Variants in STT3A observed in about 807,000 individuals in gnomAD.
The protein encoded by STT3A is dolichyl-diphosphooligosaccharide--protein glycosyltransferase subunit STT3A.
In STT3A, 34 loss-of-function variants were observed where a neutral mutation model predicts 89.2. The observed-to-expected ratio is 0.38, with a 90% confidence interval of 0.29 to 0.51. The LOEUF (loss-of-function observed/expected upper bound fraction) is 0.51. STT3A is among the 20% of genes least tolerant of loss of function. The pLI is 0.89. For synonymous variants in STT3A, 282 were observed against 310.3 expected, an observed-to-expected ratio of 0.91 and a Z score of 0.96; for missense variants, 555 against 889.5, an observed-to-expected ratio of 0.62 and a Z score of 4.78.
At chr11:125,605,826 G>A (rs189869378) in intron 7 of STT3A, 91 bp downstream of exon 7, 1 of 1,121,298 alleles carries the variant, frequency 8.9e-7, no homozygotes, top group East Asian at 2.4e-5. Flanking sequence ...TTCTTTTCTG[G>A]TAGGTTCCCC....
rs1272214332 is a variant in STT3A at position 125,622,350 on chromosome 11, C to G, written c.*1540C>G. On this transcript the variant is annotated 3_prime_UTR_variant, in exon 18 of 18. Coordinates refer to ENST00000392708, the MANE Select transcript of STT3A (RefSeq NM_152713.5). ...TGATTTACTATATGTAAGTACATTA[C>G]TTGATTTCTATAAAGAATCTTTAGT... The G allele has an allele frequency of 2.6e-5, 4 of 152,126 alleles. No homozygotes were observed. The highest frequency in any genetic ancestry group is 5.9e-5 in the Non-Finnish European group (4 of 68,028). The allele number at this position is 152,126 out of a possible 1,614,324, so 9.4% of individuals were successfully genotyped here. A position where few individuals can be genotyped will look rare whatever the true frequency, so the allele number is the denominator to read the frequency against.
chr11:125,607,742 C>T (rs1306286679), intron 8 of STT3A, among the ~76,000 whole-genome samples: 2 of 152,124 alleles, frequency 1.3e-5, no homozygotes, highest in East Asian at 1.9e-4. Flanking sequence ...TGATATGGAA[C>T]ATAGAGAGGA....
At position 125,608,280 on chromosome 11, in the gene STT3A, A is replaced by G. The variant is rs1939895538; in HGVS notation, c.952A>G (p.Met318Val). The G allele has an allele frequency of 5.0e-6, 8 of 1,603,190 alleles. No individual in the cohort carries two copies. Among genetic ancestry groups the G allele is most frequent in the Non-Finnish European group, 6.8e-6 (8 of 1,176,858 alleles). Residue 318 changes from methionine (M) to valine (V), a missense_variant, in exon 9 of 18, where the codon ATG (methionine) becomes GTG (valine). Physicochemically the swap from Met to Val is conservative, Grantham distance 21. Around this residue, in one of 5 missense-constraint regions of STT3A, gnomAD observed 149 missense variants for 206.2 expected, o/e 0.72. Coordinates refer to ENST00000392708, the MANE Select transcript of STT3A (RefSeq NM_152713.5). ...FVLLTVGALL[M>V]LTGKISPWTG... ...CCTTCTCACCGTGGGAGCTCTCCTC[A>G]TGCTGACAGGTAGGGAAGGCTCACA...
rs560183147 is a variant in STT3A at position 125,601,202 on chromosome 11, G to C, written c.150-1101G>C. ...ATTAAGAAAGTTGTGTTATGAAGTA[G>C]GTTAAAATTTTTTCATCCTGCATAT... On this transcript the variant is annotated intron_variant, in intron 3 of 17. Coordinates refer to ENST00000392708, the MANE Select transcript of STT3A (RefSeq NM_152713.5). Among the ~76,000 whole-genome samples, 86 of 152,304 alleles carry C rather than the reference G, an allele frequency of 5.6e-4. No individual in the cohort carries two copies. The Middle Eastern group carries it at 0.014, about 24-fold the overall frequency.
chr11:125,608,339 A>T (rs1939898127), intron 9 of STT3A, 50 bp downstream of exon 9: 1 of 1,531,460 alleles, frequency 6.5e-7, no homozygotes, highest in South Asian at 1.3e-5. Flanking sequence ...TTTAAGATGG[A>T]GTTTCGCTCT....
At chr11:125,607,990 T>G (rs1486920012) in intron 8 of STT3A, 119 bp from the exon 9 acceptor site, 1 of 1,095,852 alleles carries the variant, frequency 9.1e-7, no homozygotes, top group African/African-American at 1.6e-5. Flanking sequence ...CCTGATTCCT[T>G]CGGGGCCTCA....
chr11:125,602,488 C>G, intron 4 of STT3A, 64 bp downstream of exon 4: 1 of 1,456,494 alleles, frequency 6.9e-7, no homozygotes, highest in Non-Finnish European at 9.1e-7. Context: ...TGCTAGAGAA[C>G]CAGTTTCTTT....
chr11:125,613,134 A>G lies in STT3A; in HGVS notation c.1511A>G (p.Asp504Gly). ...GGDGSRIIFD[D>G]FREAYYWLRH... ...GATGGCAGTAGGATCATATTTGATG[A>G]CTTCCGAGAAGCATATTATTGGCTT... is the stretch of plus-strand genomic sequence containing the variant. The change falls in exon 13 of 18, where the codon GAC becomes GGC. Residue 504 changes from aspartate (D) to glycine (G), a missense_variant. Asp to Gly is a moderately conservative substitution (Grantham distance 94, BLOSUM62 -1). This residue lies in a region of STT3A where 273 missense variants were observed against 449.8 expected (regional missense o/e 0.61). Transcript: ENST00000392708. The surrounding 1 kb of genome is among the most constrained non-coding windows in gnomAD (Gnocchi z 4.2). The G allele has an allele frequency of 6.2e-7, 1 of 1,613,996 alleles. No individual in the cohort carries two copies. Among genetic ancestry groups the G allele is most frequent in the Non-Finnish European group, 8.5e-7 (1 of 1,180,006 alleles).
At chr11:125,611,824 A>G (rs2135936751) in intron 11 of STT3A, among the ~76,000 whole-genome samples, 1 of 135,872 alleles carries the variant, frequency 7.4e-6, no homozygotes, top group East Asian at 2.3e-4. Context: ...AAGGCTTGGG[A>G]GTATTACCCA....
chr11:125,598,990 G>A (rs1216097363), intron 3 of STT3A, among the ~76,000 whole-genome samples: 1 of 152,170 alleles, frequency 6.6e-6, no homozygotes, highest in African/African-American at 2.4e-5. Flanking sequence ...GATAATCAAG[G>A]AATGCAAGAG....
chr11:125,608,378 G>A (rs1035991261), intron 9 of STT3A, 89 bp downstream of exon 9: 22 of 1,338,988 alleles, frequency 1.6e-5, no homozygotes, highest in Middle Eastern at 2.7e-4. Flanking sequence ...GCAGTGGTGC[G>A]ATCTCGGCTC....
At chr11:125,607,983 G>T in intron 8 of STT3A, 126 bp from the exon 9 acceptor site, 1 of 1,008,810 alleles carries the variant, frequency 9.9e-7, no homozygotes, top group South Asian at 2.0e-5. Context: ...GATTGGCCCT[G>T]ATTCCTTCGG....
intron 15 of STT3A, 141 bp from the exon 16 acceptor site, chr11:125,618,232 T>C: frequency 1.3e-6 from 1 of 758,674 alleles, no homozygotes; most frequent in Non-Finnish European, 2.1e-6. Flanking sequence ...CCGTATGTTG[T>C]CCTCACTATT....
At chr11:125,612,502 C>T in intron 11 of STT3A, 90 bp from the exon 12 acceptor site, 13 of 1,420,704 alleles carry the variant, frequency 9.2e-6, no homozygotes, top group South Asian at 5.9e-5. Flanking sequence ...TGATGAAAAC[C>T]CCTAAATTGA....
intron 15 of STT3A, 57 bp from the exon 16 acceptor site, chr11:125,618,316 T>A: frequency 1.3e-6 from 2 of 1,488,722 alleles, no homozygotes; most frequent in Non-Finnish European, 1.8e-6. Flanking sequence ...AATACTAACC[T>A]GCTTTAACTC....
chr11:125,599,454 C>T (rs1939607734), intron 3 of STT3A, among the ~76,000 whole-genome samples: 1 of 152,144 alleles, frequency 6.6e-6, no homozygotes, highest in African/African-American at 2.4e-5. Context: ...CTGTGTCACC[C>T]AGGCTGAAGT....
chr11:125,620,702 C>T, intron 17 of STT3A, 70 bp from the exon 18 acceptor site: 3 of 1,481,626 alleles, frequency 2.0e-6, no homozygotes, highest in Non-Finnish European at 2.8e-6. Context: ...CTGGGTGAAT[C>T]CATTTTAGTA....
At chr11:125,594,753 C>T (rs1019620560) in intron 1 of STT3A, 2 of 152,008 alleles carry the variant, frequency 1.3e-5, no homozygotes, top group African/African-American at 4.8e-5. Context: ...TTTTTAATCC[C>T]CCGACTCTTC....
At chr11:125,601,189 G>T (rs1161093013) in intron 3 of STT3A, among the ~76,000 whole-genome samples, 1 of 152,222 alleles carries the variant, frequency 6.6e-6, no homozygotes, top group African/African-American at 2.4e-5. Flanking sequence ...TAAGAAAGTT[G>T]TGTTATGAAG....
Sources: allele counts gnomAD v4.1 joint callset (sites outside exome capture counted in the v4.1 genomes callset), GRCh38; gene constraint gnomAD v4.1.1; regional missense constraint gnomAD v4.1.1; non-coding constraint Gnocchi (gnomAD v3.1); transcripts MANE v1.5; gene names NCBI Gene and HGNC (gene_info 2026-07-23, HGNC 2026-07-21).